Variants in SFPQ observed in about 807,000 individuals in gnomAD.
SFPQ encodes splicing factor, proline- and glutamine-rich.
In SFPQ, 11 loss-of-function variants were observed where a neutral mutation model predicts 72.9. The ratio of observed to expected loss-of-function variants is 0.15; its 90% CI spans 0.09 to 0.25. The LOEUF is 0.25. Among genes scored for constraint, SFPQ ranks in the 10% least tolerant of loss-of-function variants. The pLI is 1.00. For synonymous variants in SFPQ, 506 were observed against 367.3 expected (o/e 1.38, Z -4.32); for missense variants, 847 against 993.3 (o/e 0.85, Z 1.98).
At position 35,183,252 on chromosome 1, in the gene SFPQ, G is replaced by A. The variant is rs1198265740; in HGVS notation, c.*1204C>T. On this transcript the variant is annotated 3_prime_UTR_variant, in exon 10 of 10. Coordinates refer to ENST00000357214, the MANE Select transcript of SFPQ (RefSeq NM_005066.3). ...TTTTTTTTTTTTGAGACAGAGTCTC[G>A]CTCTGTTGTCCAGGCTGGAGTGCAG... The A allele has an allele frequency of 1.2e-5, 10 of 849,218 alleles. No individual in the cohort carries two copies. The East Asian group carries it at 2.2e-4, about 19-fold the overall frequency. The allele number at this position is 849,218 out of a possible 1,614,324, so 52.6% of individuals were successfully genotyped here.
chr1:35,179,144 A>G (rs758305561), downstream of SFPQ: 32 of 1,059,854 alleles, frequency 3.0e-5, no homozygotes, highest in Non-Finnish European at 3.4e-5. Context: ...GGCCCAGACC[A>G]ACATCCTGGC....
In SFPQ at chr1:35,188,094, G is replaced by C; in HGVS notation, c.1698-4C>G. Reference sequence around the variant, plus strand: ...TCTACGTCGTTCCTCCTCTTGCCTAGAAATACCCATCAGGTACATAACTGA... The same window carrying C: ...TCTACGTCGTTCCTCCTCTTGCCTACAAATACCCATCAGGTACATAACTGA... On this transcript the variant is annotated splice_region_variant and splice_polypyrimidine_tract_variant and intron_variant, in intron 6 of 9. Transcript: ENST00000357214. 1 of 1,592,388 alleles carries C rather than the reference G, an allele frequency of 6.3e-7. No individual in the cohort carries two copies. Among genetic ancestry groups the C allele is most frequent in the Non-Finnish European group, 8.6e-7 (1 of 1,160,394 alleles).
At chr1:35,180,023 A>C, downstream of SFPQ, 1 of 1,053,138 alleles carries the variant, frequency 9.5e-7, no homozygotes, top group East Asian at 5.3e-5. Context: ...GTAGAGTCCA[A>C]AGTTGTTTGC....
chr1:35,185,657 G>T (rs935656295), intron 9 of SFPQ, among the ~76,000 whole-genome samples: 2 of 152,148 alleles, frequency 1.3e-5, no homozygotes, highest in South Asian at 2.1e-4. Flanking sequence ...GGGCATCAGG[G>T]TTTAACTGTT....
At chr1:35,180,622 A>G, downstream of SFPQ, 2 of 1,050,920 alleles carry the variant, frequency 1.9e-6, no homozygotes, top group South Asian at 9.2e-5. Flanking sequence ...TGTTTTTAAA[A>G]ATTTTAAATC....
At chr1:35,185,838 A>T (rs1164021064) in intron 9 of SFPQ, among the ~76,000 whole-genome samples, 18 of 152,184 alleles carry the variant, frequency 1.2e-4, no homozygotes, top group Non-Finnish European at 2.1e-4. Context: ...GGCTTTCATA[A>T]TTATGTTAAT....
In SFPQ at chr1:35,190,480, A is replaced by G. The variant is rs1253924578; in HGVS notation, c.1415+18T>C. 1.9e-6 allele frequency: 3 copies of G among 1,554,204 alleles called. No individual in the cohort carries two copies. In the South Asian group the frequency reaches 3.5e-5, roughly 18 times the overall value. ...ACACTTGATTTAAAAACTGCCAAAA[A>G]AGTTTAATCAATCTTACTTTTGATA... On this transcript the variant is annotated intron_variant, in intron 4 of 9. Transcript: ENST00000357214.
In SFPQ at chr1:35,192,536, T is replaced by G; in HGVS notation, c.514A>C (p.Ser172Arg). 7.5e-7 allele frequency: 1 copy of G among 1,327,614 alleles called. No homozygotes were observed. Among genetic ancestry groups the G allele is most frequent in the South Asian group, 2.1e-5 (1 of 48,496 alleles). 82.2% of individuals were successfully genotyped at this position (1,327,614 alleles called of 1,614,324 possible). ...PGAPPPTPPS[S>R]GVPTTPPQAG... ...TGAGGAGGTGTGGTAGGGACCCCGC[T>G]GCTTGGCGGGGTGGGTGGCGGCGCC... is the stretch of plus-strand genomic sequence containing the variant. The change falls in exon 1 of 10, where the codon AGC becomes CGC. Residue 172 changes from serine (S) to arginine (R), a missense_variant. Transcript: ENST00000357214.
Position 35,192,529 on chromosome 1 carries a change from A to G in SFPQ, c.521T>C (p.Val174Ala). 1 of 1,326,274 alleles carries G rather than the reference A, an allele frequency of 7.5e-7. No homozygotes were observed. Among genetic ancestry groups the G allele is most frequent in the South Asian group, 2.1e-5 (1 of 48,400 alleles). 82.2% of individuals were successfully genotyped at this position (1,326,274 alleles called of 1,614,324 possible). ...APPPTPPSSG[V>A]PTTPPQAGGP... is the part of the protein sequence containing the mutation. ...TCCGGCCTGAGGAGGTGTGGTAGGGACCCCGCTGCTTGGCGGGGTGGGTGG... is the reference window on the plus strand; with the variant it reads ...TCCGGCCTGAGGAGGTGTGGTAGGGGCCCCGCTGCTTGGCGGGGTGGGTGG... The change falls in exon 1 of 10, where the codon GTC (valine) becomes GCC (alanine). Residue 174 changes from valine to alanine, a missense_variant. Val to Ala is a moderately conservative substitution (Grantham distance 64). Transcript: ENST00000357214.
rs1307131275 is a variant in SFPQ, at chr1:35,192,029, C to A, written c.828+193G>T. ...AAACCTCCCCTAGCCTTCCGCCCGC[C>A]GGGAGAGCAAGGCCCGGCGGCGGCC... On this transcript the variant is annotated intron_variant, in intron 1 of 9. Transcript: ENST00000357214. Among the ~76,000 whole-genome samples, 3 of 151,864 alleles carry A rather than the reference C, an allele frequency of 2.0e-5. No homozygotes were observed. In the East Asian group the frequency reaches 5.9e-4, roughly 30 times the overall value.
chr1:35,182,819 A>G, downstream of SFPQ: 1 of 1,050,296 alleles, frequency 9.5e-7, no homozygotes, highest in Non-Finnish European at 1.1e-6. Context: ...ACACTGGGAA[A>G]TCAGGCTCCC....
In SFPQ at chr1:35,193,029, C is replaced by A; in HGVS notation, c.21G>T (p.Arg7=). ...AGCCACCACCGCCACCGCCACGACT[C>A]CGGAACCGATCCCGAGACATGTCTG... MSRDRF[R]SRGGGGGGFH... is the part of the protein sequence containing the mutation. The change falls in exon 1 of 10, where the codon CGG becomes CGT. Residue 7 remains arginine (R), a synonymous_variant. Transcript: ENST00000357214. 6.3e-7 allele frequency: 1 copy of A among 1,587,538 alleles called. No individual in the cohort carries two copies. Among genetic ancestry groups the A allele is most frequent in the Non-Finnish European group, 8.5e-7 (1 of 1,175,036 alleles).
At chr1:35,193,137 GACACAGGCGGCGCGCC>G in exon 1 of SFPQ, 2 of 1,475,866 alleles carry the variant, frequency 1.4e-6, no homozygotes, top group Non-Finnish European at 1.8e-6. Context: ...AATGGCGGAT[GACACAGGCGGCGCGCC>G]GCCTTTGTCC....
rs1480024434 is a variant in SFPQ at position 35,192,592 on chromosome 1, G to A, written c.458C>T (p.Pro153Leu). 21 of 1,338,850 alleles carry A rather than the reference G, an allele frequency of 1.6e-5. No homozygotes were observed. The highest frequency in any genetic ancestry group is 3.1e-5 in the East Asian group (1 of 32,044). 82.9% of individuals were successfully genotyped at this position (1,338,850 alleles called of 1,614,324 possible). The change falls in exon 1 of 10, where the codon CCG (proline) becomes CTG (leucine). Residue 153 changes from proline (P) to leucine (L), a missense_variant. By Grantham distance (98) the Pro-to-Leu change is moderately conservative (BLOSUM62 -3). Coordinates refer to ENST00000357214, the MANE Select transcript of SFPQ (RefSeq NM_005066.3). ...PGSGPGPTPT[P>L]PPAVTSAPPG... Reference sequence around the variant, plus strand: ...AGGGGCCGAGGTGACTGCAGGCGGCGGGGTCGGAGTCGGGCCTGGCCCGGA... The same window carrying A: ...AGGGGCCGAGGTGACTGCAGGCGGCAGGGTCGGAGTCGGGCCTGGCCCGGA...
chr1:35,176,791 G>A (rs377084309), intron 5 of SFPQ, among the ~76,000 whole-genome samples: 120 of 150,892 alleles, frequency 8.0e-4, no homozygotes, highest in Middle Eastern at 7.0e-3. Flanking sequence ...GGAGAATGGC[G>A]TGAACCCAGG....
downstream of SFPQ, chr1:35,180,092 C>CGA: frequency 9.5e-7 from 1 of 1,050,866 alleles, no homozygotes; most frequent in Non-Finnish European, 1.1e-6. Flanking sequence ...TGCTTGCCAA[C>CGA]GAGCAAGCTT....
intron 5 of SFPQ, among the ~76,000 whole-genome samples, chr1:35,177,047 C>T (rs763388476): frequency 9.2e-5 from 14 of 151,862 alleles, no homozygotes; most frequent in Non-Finnish European, 1.8e-4. Context: ...CAAACCCTGT[C>T]TCTACTAAAA....
At position 35,187,016 on chromosome 1, in the gene SFPQ, C is replaced by A; in HGVS notation, c.1971G>T (p.Met657Ile). The change falls in exon 9 of 10, where the codon ATG becomes ATT. Residue 657 changes from methionine (M) to isoleucine (I), a missense_variant. This residue lies in a region of SFPQ where 154 missense variants were observed against 186.0 expected (regional missense o/e 0.83). Coordinates refer to ENST00000357214, the MANE Select transcript of SFPQ (RefSeq NM_005066.3). ...GATACATTACCATGTCACTTCCCAT[C>A]ATGGAACCACTCATGGTTGCTGGTG... is the stretch of plus-strand genomic sequence containing the variant. Reference protein sequence around the residue: ...GVPPATMSGSMMGSDMRTERF... With the variant: ...GVPPATMSGSIMGSDMRTERF... 1 of 1,613,926 alleles carries A rather than the reference C, an allele frequency of 6.2e-7. No individual in the cohort carries two copies. Among genetic ancestry groups the A allele is most frequent in the Non-Finnish European group, 8.5e-7 (1 of 1,179,804 alleles).
At chr1:35,186,085 G>A (rs1266338422) in intron 9 of SFPQ, among the ~76,000 whole-genome samples, 2 of 152,096 alleles carry the variant, frequency 1.3e-5, no homozygotes, top group Non-Finnish European at 2.9e-5. Flanking sequence ...AAAGTCTTAG[G>A]TAGATTATAA....
Sources: gnomAD v4.1 joint callset for allele counts (sites outside exome capture counted in the v4.1 genomes callset) on GRCh38, gnomAD v4.1.1 for gene constraint, gnomAD v4.1.1 regional missense constraint, MANE v1.5 for transcripts, NCBI Gene and HGNC (gene_info 2026-07-23, HGNC 2026-07-21) for gene names.